PDE1A: variants seen among roughly 807,000 people sequenced by gnomAD.
PDE1A encodes the protein phosphodiesterase 1A.
Under a neutral mutation model 61.7 loss-of-function variants are expected in PDE1A, and 35 were observed. The ratio of observed to expected loss-of-function variants is 0.57; its 90% CI spans 0.43 to 0.75. PDE1A has a LOEUF of 0.75. Ranked by LOEUF, PDE1A falls within the 30% of genes least tolerant of loss-of-function variation. The pLI, the probability that PDE1A is intolerant of heterozygous loss-of-function variation, is 0.00. For missense variants in PDE1A, 597 were observed against 630.6 expected (o/e 0.95, Z 0.57); for synonymous variants, 232 against 213.2 (o/e 1.09, Z -0.77).
At chr2:182,334,812 A>G (rs936770839) in intron 1 of PDE1A, among the ~76,000 whole-genome samples, 2 of 152,208 alleles carry the variant, frequency 1.3e-5, no homozygotes, top group African/African-American at 4.8e-5. Flanking sequence ...AGCGTATTCA[A>G]ATAGGAAGAG....
chr2:182,629,321 C>A, the PDE1A span, among the ~76,000 whole-genome samples: 1 of 152,114 alleles, frequency 6.6e-6, no homozygotes, highest in Admixed American at 6.6e-5. Flanking sequence ...TTTAAACTTC[C>A]GAATTTGTGT....
chr2:182,225,418 C>T (rs529777121), intron 6 of PDE1A, among the ~76,000 whole-genome samples: 1 of 151,906 alleles, frequency 6.6e-6, no homozygotes, highest in South Asian at 2.1e-4. Flanking sequence ...TCATAGGTAC[C>T]AAAGGTATAA....
the PDE1A span, among the ~76,000 whole-genome samples, chr2:182,601,751 A>G: frequency 0.21 from 31,195 of 152,122 alleles, 3,433 homozygotes; most frequent in Middle Eastern, 0.33. Context: ...CTGGCAGCCC[A>G]TGCCATCCTC....
chr2:182,557,006 T>C, the PDE1A span, among the ~76,000 whole-genome samples: 5 of 152,170 alleles, frequency 3.3e-5, no homozygotes, highest in Admixed American at 6.5e-5. Flanking sequence ...GGAATTAGAA[T>C]AAACAAGGCT....
At chr2:182,180,084 A>G (rs1684623903) in intron 13 of PDE1A, among the ~76,000 whole-genome samples, 2 of 152,220 alleles carry the variant, frequency 1.3e-5, no homozygotes, top group African/African-American at 4.8e-5. Flanking sequence ...TCTTCAGCGT[A>G]TAAGACTAGA....
chr2:182,423,042 G>A (rs774156485), intron 1 of PDE1A, among the ~76,000 whole-genome samples: 7 of 152,108 alleles, frequency 4.6e-5, no homozygotes, highest in Non-Finnish European at 7.4e-5. Context: ...GAATCACAGC[G>A]TGCCCAAAAG....
intron 7 of PDE1A, among the ~76,000 whole-genome samples, chr2:182,220,159 T>A (rs80069715): frequency 6.6e-6 from 1 of 152,086 alleles, no homozygotes; most frequent in East Asian, 1.9e-4. Flanking sequence ...TTAATAATCT[T>A]AGTTAAGGCC....
intron 1 of PDE1A, among the ~76,000 whole-genome samples, chr2:182,376,290 C>A (rs1241839374): frequency 1.3e-5 from 2 of 152,150 alleles, no homozygotes; most frequent in Non-Finnish European, 2.9e-5. Context: ...TTAACAGCAC[C>A]CAAGTCACCT....
intron 2 of PDE1A, among the ~76,000 whole-genome samples, chr2:182,481,727 A>G (rs1200087017): frequency 1.3e-5 from 2 of 151,886 alleles, no homozygotes; most frequent in Non-Finnish European, 2.9e-5. Flanking sequence ...AAGCACCAAC[A>G]TTGCCTTATA....
chr2:182,225,777 A>T (rs1315856049), intron 6 of PDE1A, among the ~76,000 whole-genome samples: 2 of 148,240 alleles, frequency 1.3e-5, no homozygotes, highest in Non-Finnish European at 2.9e-5. Context: ...GAATTGATAA[A>T]GGCATTAAAT....
chr2:182,527,320 AAAAAAAAATATATATAT>A (rs1690788473), upstream of PDE1A, among the ~76,000 whole-genome samples: 1 of 44,742 alleles, frequency 2.2e-5, no homozygotes, highest in Non-Finnish European at 4.1e-5. Context: ...AAAAAAAAAA[AAAAAAAAATATATATAT>A]ATATATATAT....
intron 2 of PDE1A, among the ~76,000 whole-genome samples, chr2:182,498,586 A>C (rs931140655): frequency 4.6e-5 from 7 of 152,002 alleles, no homozygotes; most frequent in Admixed American, 1.3e-4. Context: ...ACTGAAAGGC[A>C]TGTATTTCCA....
intron 1 of PDE1A, among the ~76,000 whole-genome samples, chr2:182,347,064 C>G (rs781220307): frequency 6.6e-6 from 1 of 152,008 alleles, no homozygotes; most frequent in African/African-American, 2.4e-5. Context: ...AAGACAGACC[C>G]GATGGTCAAA....
chr2:182,187,647 CTT>C (rs1685323189), intron 11 of PDE1A, among the ~76,000 whole-genome samples: 1 of 151,302 alleles, frequency 6.6e-6, no homozygotes, highest in African/African-American at 2.4e-5. Flanking sequence ...TTTAATAAAA[CTT>C]CAGTAGTTTT....
chr2:182,492,463 A>C (rs1308317577), intron 2 of PDE1A, among the ~76,000 whole-genome samples: 1 of 152,200 alleles, frequency 6.6e-6, no homozygotes, highest in Non-Finnish European at 1.5e-5. Flanking sequence ...ATCTCTTTAT[A>C]CTTTTGGCTT....
the PDE1A span, among the ~76,000 whole-genome samples, chr2:182,595,500 G>A: frequency 1.3e-5 from 2 of 152,130 alleles, no homozygotes; most frequent in Non-Finnish European, 2.9e-5. Flanking sequence ...ATAGTAAACA[G>A]GAAAATAAAT....
intron 1 of PDE1A, among the ~76,000 whole-genome samples, chr2:182,380,229 G>A (rs1700651362): frequency 6.7e-6 from 1 of 149,876 alleles, no homozygotes; most frequent in Non-Finnish European, 1.5e-5. Context: ...TCCTGCCTCA[G>A]CCTCCCGAGT....
At chr2:182,221,022 A>AAAT (rs1204813434) in intron 7 of PDE1A, among the ~76,000 whole-genome samples, 1 of 151,898 alleles carries the variant, frequency 6.6e-6, no homozygotes, top group Non-Finnish European at 1.5e-5. Flanking sequence ...CAGAGTTTTA[A>AAAT]AATATAAATT....
intron 1 of PDE1A, among the ~76,000 whole-genome samples, chr2:182,420,530 A>G (rs1031069269): frequency 3.9e-5 from 6 of 152,200 alleles, no homozygotes; most frequent in African/African-American, 1.4e-4. Context: ...AATATTTTAA[A>G]GCTGAAGTGA....
Sources: allele counts gnomAD v4.1 joint callset (sites outside exome capture counted in the v4.1 genomes callset), GRCh38; gene constraint gnomAD v4.1.1; transcripts MANE v1.5; gene names NCBI Gene and HGNC (gene_info 2026-07-23, HGNC 2026-07-21).